MCOLN2: variants seen among roughly 807,000 people sequenced by gnomAD.
The protein encoded by MCOLN2 is mucolipin TRP cation channel 2.
Under a neutral mutation model 67.5 loss-of-function variants are expected in MCOLN2, and 57 were observed. The ratio of observed to expected loss-of-function variants is 0.84; its 90% confidence interval spans 0.68 to 1.05. The LOEUF (loss-of-function observed/expected upper bound fraction) is 1.05. Among genes scored for constraint, MCOLN2 ranks in the 50% least tolerant of loss-of-function variants. The pLI, the probability that MCOLN2 is intolerant of heterozygous loss-of-function variation, is 0.00. For synonymous variants in MCOLN2, 246 were observed against 233.3 expected, an observed-to-expected ratio of 1.05 and a Z score of -0.50; for missense variants, 620 against 678.8, an observed-to-expected ratio of 0.91 and a Z score of 0.96.
chr1:84,982,086 T>A (rs1044505168), intron 1 of MCOLN2, among the ~76,000 whole-genome samples: 2 of 151,246 alleles, frequency 1.3e-5, no homozygotes, highest in African/African-American at 4.8e-5. Flanking sequence ...TTTTTTTTTT[T>A]TAAAAAAAAG....
chr1:84,977,038 C>T (rs1002028390), intron 1 of MCOLN2, among the ~76,000 whole-genome samples: 37 of 152,040 alleles, frequency 2.4e-4, no homozygotes. Context: ...ACTACAACAA[C>T]TTTTCAAGAC....
intron 2 of MCOLN2, among the ~76,000 whole-genome samples, chr1:84,964,745 T>C (rs1311524834): frequency 1.3e-5 from 2 of 152,154 alleles, no homozygotes; most frequent in African/African-American, 4.8e-5. Context: ...TAGATTCTCA[T>C]AAGGAGCCGC....
intron 12 of MCOLN2, among the ~76,000 whole-genome samples, chr1:84,930,591 C>T (rs1382338004): frequency 6.6e-6 from 1 of 152,082 alleles, no homozygotes; most frequent in East Asian, 1.9e-4. Context: ...AACCCTGATG[C>T]GAGAGGCAAC....
intron 1 of MCOLN2, among the ~76,000 whole-genome samples, chr1:84,993,422 C>T (rs948247825): frequency 6.6e-6 from 1 of 152,150 alleles, no homozygotes; most frequent in African/African-American, 2.4e-5. Context: ...CAAAGTCATC[C>T]ATGAGGGATA....
At chr1:84,936,856 G>T (rs987852751) in intron 11 of MCOLN2, among the ~76,000 whole-genome samples, 1 of 152,180 alleles carries the variant, frequency 6.6e-6, no homozygotes, top group African/African-American at 2.4e-5. Flanking sequence ...AACTTGGAAG[G>T]AATACTTACC....
chr1:84,991,281 T>C (rs138543389), intron 1 of MCOLN2, among the ~76,000 whole-genome samples: 4 of 152,126 alleles, frequency 2.6e-5, no homozygotes, highest in Admixed American at 1.3e-4. Flanking sequence ...TCTACAGTAA[T>C]GACTGTGTTG....
At chr1:84,959,994 G>A (rs999626101) in intron 2 of MCOLN2, among the ~76,000 whole-genome samples, 4 of 152,288 alleles carry the variant, frequency 2.6e-5, no homozygotes, top group Middle Eastern at 3.4e-3. Context: ...AAGCCCAGGA[G>A]TTCAAGGCTA....
intron 7 of MCOLN2, among the ~76,000 whole-genome samples, chr1:84,944,533 AAAAGAAAG>A (rs147241168): frequency 1.3e-5 from 2 of 151,746 alleles, no homozygotes; most frequent in African/African-American, 2.4e-5. Flanking sequence ...CTCTGTCTCA[AAAAGAAAG>A]AAAGAAAGAA....
intron 7 of MCOLN2, among the ~76,000 whole-genome samples, chr1:84,945,407 G>C (rs191373438): frequency 6.6e-6 from 1 of 152,198 alleles, no homozygotes; most frequent in Non-Finnish European, 1.5e-5. Flanking sequence ...CTGGGGAATA[G>C]TAACCACTTT....
intron 7 of MCOLN2, among the ~76,000 whole-genome samples, chr1:84,946,150 T>C (rs111804418): frequency 3.3e-5 from 5 of 152,238 alleles, no homozygotes; most frequent in Admixed American, 6.5e-5. Flanking sequence ...CTGAAGGCCC[T>C]GATCCTTCCC....
intron 1 of MCOLN2, among the ~76,000 whole-genome samples, chr1:84,996,007 T>C (rs1203166115): frequency 2.6e-5 from 4 of 152,074 alleles, no homozygotes; most frequent in Non-Finnish European, 4.4e-5. Flanking sequence ...AGGAGAAGGG[T>C]GTGCCTGTGG....
intron 9 of MCOLN2, among the ~76,000 whole-genome samples, chr1:84,939,257 G>C (rs1647611802): frequency 6.6e-6 from 1 of 152,184 alleles, no homozygotes; most frequent in Admixed American, 6.5e-5. Context: ...TCAGGGAAGG[G>C]ACTGGTTTAT....
intron 13 of MCOLN2, 65 bp downstream of exon 13, chr1:84,929,493 G>C: frequency 6.8e-7 from 1 of 1,472,862 alleles, no homozygotes; most frequent in East Asian, 2.4e-5. Flanking sequence ...AATCTTGGAG[G>C]GGCTCTTTCT....
intron 12 of MCOLN2, among the ~76,000 whole-genome samples, chr1:84,930,930 T>A (rs984238254): frequency 1.7e-4 from 26 of 152,164 alleles, no homozygotes; most frequent in African/African-American, 5.8e-4. Context: ...TTAGTTTTCA[T>A]AATTTAAAGG....
intron 13 of MCOLN2, 102 bp downstream of exon 13, chr1:84,929,456 G>C: frequency 7.7e-7 from 1 of 1,299,818 alleles, no homozygotes; most frequent in Non-Finnish European, 1.0e-6. Flanking sequence ...TATTTCCCAT[G>C]ATAAGCTGGT....
At chr1:84,990,728 A>G (rs930319056) in intron 1 of MCOLN2, among the ~76,000 whole-genome samples, 2 of 151,984 alleles carry the variant, frequency 1.3e-5, no homozygotes, top group Admixed American at 6.6e-5. Flanking sequence ...GACCAGTCTG[A>G]GCAACATAGG....
intron 1 of MCOLN2, among the ~76,000 whole-genome samples, chr1:84,989,268 AAATAAT>A (rs763445371): frequency 6.6e-6 from 1 of 152,216 alleles, no homozygotes; most frequent in Non-Finnish European, 1.5e-5. Context: ...TTTTGTGATC[AAATAAT>A]AATAACAACA....
At chr1:84,937,294 C>T (rs867318735) in intron 11 of MCOLN2, among the ~76,000 whole-genome samples, 1 of 152,220 alleles carries the variant, frequency 6.6e-6, no homozygotes, top group African/African-American at 2.4e-5. Flanking sequence ...TCTGCAGAGA[C>T]AAGACGTGTC....
At chr1:84,957,925 C>T (rs759033087) in intron 3 of MCOLN2, among the ~76,000 whole-genome samples, 11 of 152,322 alleles carry the variant, frequency 7.2e-5, no homozygotes, top group African/African-American at 1.7e-4. Flanking sequence ...AGAGCAGGAA[C>T]AGTTTCTCTT....
Sources: allele counts gnomAD v4.1 joint callset (sites outside exome capture counted in the v4.1 genomes callset), GRCh38; gene constraint gnomAD v4.1.1; transcripts MANE v1.5; gene names NCBI Gene and HGNC (gene_info 2026-07-23, HGNC 2026-07-21).